ABCB4: variants seen among roughly 807,000 people sequenced by gnomAD.
ABCB4 encodes phosphatidylcholine translocator ABCB4.
ABCB4 carries 76 observed loss-of-function variants against 145.7 expected under a neutral mutation model. The observed-to-expected ratio is 0.52, with a 90% CI of 0.43 to 0.63. ABCB4 has a LOEUF of 0.63. Among genes scored for constraint, ABCB4 ranks in the 30% least tolerant of loss-of-function variants. ABCB4 has a pLI of 0.00. For synonymous variants in ABCB4, 517 were observed against 566.8 expected (o/e 0.91, Z 1.25); for missense variants, 1,234 against 1,553.1 (o/e 0.79, Z 3.45).
At chr7:87,392,505 T>C in the ABCB4 span, 17 of 1,343,344 alleles carry the variant, frequency 1.3e-5, no homozygotes, top group Admixed American at 1.9e-5. Context: ...GAGCTTAGGA[T>C]TTTTTTCTAG....
intron 14 of ABCB4, among the ~76,000 whole-genome samples, chr7:87,438,908 G>A (rs1453037481): frequency 1.3e-5 from 2 of 152,138 alleles, no homozygotes; most frequent in Admixed American, 6.5e-5. Context: ...AATTGTAAGA[G>A]GTGGTTCAGA....
chr7:87,369,019 C>T, the ABCB4 span, among the ~76,000 whole-genome samples: 109,876 of 152,102 alleles, frequency 0.72, 41,453 homozygotes, highest in Middle Eastern at 0.84. Context: ...AAAAGAGAAA[C>T]CTGTTAATTC....
At chr7:87,381,115 A>G in the ABCB4 span, among the ~76,000 whole-genome samples, 4 of 152,320 alleles carry the variant, frequency 2.6e-5, no homozygotes, top group Non-Finnish European at 1.5e-5. Flanking sequence ...CTGGGCCCAT[A>G]TCTTGATACT....
intron 17 of ABCB4, 96 bp downstream of exon 17, chr7:87,423,810 C>T: frequency 6.6e-7 from 1 of 1,517,790 alleles, no homozygotes; most frequent in Non-Finnish European, 9.1e-7. Flanking sequence ...TTTAAGGCTG[C>T]TTAATCCCAG....
chr7:87,427,121 T>G (rs1210959076), intron 15 of ABCB4, among the ~76,000 whole-genome samples: 1 of 152,002 alleles, frequency 6.6e-6, no homozygotes, highest in Non-Finnish European at 1.5e-5. Context: ...TAAATTCAAT[T>G]TGAACAATAA....
At chr7:87,451,890 T>G in intron 6 of ABCB4, 96 bp from the exon 7 acceptor site, 2 of 1,169,076 alleles carry the variant, frequency 1.7e-6, no homozygotes. Context: ...TAAAATTTGT[T>G]CACTGACTGC....
chr7:87,418,594 T>C lies in ABCB4; in HGVS notation c.2421A>G (p.Lys807=). 6.2e-7 allele frequency: 1 copy of C among 1,614,176 alleles called. No individual in the cohort carries two copies. Among genetic ancestry groups the C allele is most frequent in the Non-Finnish European group, 8.5e-7 (1 of 1,180,014 alleles). The change falls in exon 20 of 28, where the codon AAA becomes AAG. Residue 807 remains lysine, a synonymous_variant. Coordinates refer to ENST00000649586, the MANE Select transcript of ABCB4 (RefSeq NM_000443.4). ...TTGTAGAAAGTGCACCAGTACTGTT[T>C]TTATGGTCATCAAACCAGCTCATGT... is the stretch of plus-strand genomic sequence containing the variant. ...RQDMSWFDDH[K]NSTGALSTRL...
chr7:87,439,942 T>G (rs1230029789), intron 13 of ABCB4, 105 bp from the exon 14 acceptor site: 16 of 1,462,230 alleles, frequency 1.1e-5, no homozygotes, highest in Admixed American at 7.0e-5. Context: ...TCTTAACTAT[T>G]TTAATGTATC....
At position 87,443,707 on chromosome 7, in the gene ABCB4, A is replaced by T; in HGVS notation, c.1186T>A (p.Phe396Ile). 1 of 1,613,968 alleles carries T rather than the reference A, an allele frequency of 6.2e-7. No individual in the cohort carries two copies. Among genetic ancestry groups the T allele is most frequent in the Non-Finnish European group, 8.5e-7 (1 of 1,179,952 alleles). Reference protein sequence around the residue: ...KPDSIKGNLEFNDVHFSYPSR... With the variant: ...KPDSIKGNLEINDVHFSYPSR... ...GGGTAAGAAAAGTGAACATCATTGA[A>T]CTCCAAATTCCCTTTGATGCTGTCT... Residue 396 changes from phenylalanine (F) to isoleucine (I), a missense_variant, in exon 11 of 28, where the codon TTC becomes ATC. Transcript: ENST00000649586.
chr7:87,381,793 T>A, the ABCB4 span: 24 of 628,456 alleles, frequency 3.8e-5, no homozygotes, highest in South Asian at 1.4e-4. Flanking sequence ...AGGTGAGGCA[T>A]TTGAAGACTC....
At chr7:87,462,963 C>T in intron 3 of ABCB4, 55 bp from the exon 4 acceptor site, 1 of 1,488,124 alleles carries the variant, frequency 6.7e-7, no homozygotes, top group Non-Finnish European at 9.3e-7. Context: ...TCTCCTCTTC[C>T]ATAATTATAT....
Position 87,447,095 on chromosome 7 carries a change from G to A in ABCB4, c.944C>T (p.Ala315Val). 1 of 1,613,840 alleles carries A rather than the reference G, an allele frequency of 6.2e-7. No individual in the cohort carries two copies. The highest frequency in any genetic ancestry group is 8.5e-7 in the Non-Finnish European group (1 of 1,179,814). The change falls in exon 9 of 28, where the codon GCC (alanine) becomes GTC (valine). Residue 315 changes from alanine (A) to valine (V), a missense_variant. Transcript: ENST00000649586. ...FLLIYASYALAFWYGSTLVIS... is the reference protein window; with the variant it reads ...FLLIYASYALVFWYGSTLVIS... Reference sequence around the variant, plus strand: ...GACTAGAGTGGATCCATACCAGAAGGCCAGTGCATATGATGCATATATTAA... The same window carrying A: ...GACTAGAGTGGATCCATACCAGAAGACCAGTGCATATGATGCATATATTAA...
chr7:87,399,700 C>T (rs866815599), downstream of ABCB4: 3 of 152,094 alleles, frequency 2.0e-5, no homozygotes, highest in African/African-American at 4.8e-5. Context: ...TTTTCCTCCT[C>T]GCTGTTCAAT....
rs1418519668 is a variant in ABCB4 at position 87,451,717 on chromosome 7, C to A, written c.614G>T (p.Gly205Val). ...FFQAVATFFA[G>V]FIVGFIRGWK... ...TCCTCTGATGAATCCCACTATGAAT[C>A]CTGCAAAAAACGTGGCTACTGCTTG... The change falls in exon 7 of 28, where the codon GGA (glycine) becomes GTA (valine). Residue 205 changes from glycine to valine, a missense_variant. By Grantham distance (109) the Gly-to-Val change is moderately radical. Coordinates refer to ENST00000649586, the MANE Select transcript of ABCB4 (RefSeq NM_000443.4). 6.2e-7 allele frequency: 1 copy of A among 1,614,116 alleles called. No homozygotes were observed.
chr7:87,368,889 C>A, the ABCB4 span, among the ~76,000 whole-genome samples: 1 of 152,184 alleles, frequency 6.6e-6, no homozygotes, highest in Non-Finnish European at 1.5e-5. Flanking sequence ...GGACAAAATT[C>A]TTTTCCTTTG....
intron 27 of ABCB4, 61 bp from the exon 28 acceptor site, chr7:87,402,363 A>C (rs1336244232): frequency 8.8e-6 from 14 of 1,583,930 alleles, no homozygotes; most frequent in Admixed American, 1.8e-5. Flanking sequence ...TTTAACATTC[A>C]AGTAAATTTG....
the ABCB4 span, among the ~76,000 whole-genome samples, chr7:87,372,907 A>T: frequency 6.6e-6 from 1 of 152,178 alleles, no homozygotes; most frequent in South Asian, 2.1e-4. Flanking sequence ...ATAATAGACA[A>T]ATAGTAAATT....
At chr7:87,405,486 G>A (rs564119677) in intron 26 of ABCB4, among the ~76,000 whole-genome samples, 3 of 149,992 alleles carry the variant, frequency 2.0e-5, no homozygotes, top group Admixed American at 2.0e-4. Flanking sequence ...GAGTGCAATG[G>A]TGTGATCTTG....
chr7:87,438,613 G>C (rs1031223692), intron 14 of ABCB4, among the ~76,000 whole-genome samples: 4 of 152,082 alleles, frequency 2.6e-5, no homozygotes, highest in African/African-American at 9.7e-5. Context: ...GCTAGGTGTG[G>C]TGGCGCACAC....
Sources: gnomAD v4.1 joint callset for allele counts (sites outside exome capture counted in the v4.1 genomes callset) on GRCh38, gnomAD v4.1.1 for gene constraint, MANE v1.5 for transcripts, NCBI Gene and HGNC (gene_info 2026-07-23, HGNC 2026-07-21) for gene names.